Variants in METTL25 observed in about 807,000 individuals in gnomAD.
METTL25 encodes the protein methyltransferase like 25.
A neutral mutation model predicts 71.6 loss-of-function variants in METTL25; 64 were observed. The observed-to-expected ratio is 0.89, with a 90% CI of 0.73 to 1.10. METTL25 has a LOEUF of 1.10. METTL25 is among the 50% of genes least tolerant of loss of function. The pLI, the probability that METTL25 is intolerant of heterozygous loss-of-function variation, is 0.00. For synonymous variants in METTL25, 287 were observed against 250.3 expected (o/e 1.15, Z -1.38); for missense variants, 807 against 707.0 (o/e 1.14, Z -1.60).
At chr12:82,382,027 A>C (rs1373248152) in intron 1 of METTL25, among the ~76,000 whole-genome samples, 1 of 152,196 alleles carries the variant, frequency 6.6e-6, no homozygotes, top group East Asian at 1.9e-4. Context: ...ATGGCACAAG[A>C]AGCATTTCAG....
chr12:82,394,819 T>C (rs1885929229), intron 3 of METTL25, among the ~76,000 whole-genome samples: 1 of 151,984 alleles, frequency 6.6e-6, no homozygotes, highest in African/African-American at 2.4e-5. Flanking sequence ...TAAGACCTCA[T>C]TGTAACGATA....
At position 82,431,507 on chromosome 12, in the gene METTL25, TG is replaced by T. The variant is rs1293957039; in HGVS notation, c.1374+521del. Among the ~76,000 whole-genome samples, 27 of 151,740 alleles carry T rather than the reference TG, an allele frequency of 1.8e-4. No individual in the cohort carries two copies. In the East Asian group the frequency reaches 2.3e-3, roughly 13 times the overall value. On this transcript the variant is annotated intron_variant, in intron 6 of 11. Transcript: ENST00000248306. ...TCAGAAAATTAAAATACTGCAGCTA[TG>T]TAGAATTAATAAATTTAGAGACCTA...
chr12:82,379,868 A>G lies in METTL25; in HGVS notation c.260-6935A>G, dbSNP rs150278338. Among the ~76,000 whole-genome samples, 543 of 152,302 alleles carry G rather than the reference A, an allele frequency of 3.6e-3. 4 individuals are homozygous for G. The highest frequency in any genetic ancestry group is 6.1e-3 in the Non-Finnish European group (416 of 68,032). ...CCTTAGTCATGCCTTCATTCTGCTG[A>G]TGGAGATCTTGCACTCAGGTTCCAG... On this transcript the variant is annotated intron_variant, in intron 1 of 11. Transcript: ENST00000248306.
chr12:82,362,057 G>C (rs1461214712), intron 1 of METTL25, among the ~76,000 whole-genome samples: 1 of 152,202 alleles, frequency 6.6e-6, no homozygotes, highest in African/African-American at 2.4e-5. Flanking sequence ...CACACTAACA[G>C]ATGTTCGGCA....
chr12:82,471,525 G>C (rs930008382), intron 9 of METTL25, among the ~76,000 whole-genome samples: 12 of 152,200 alleles, frequency 7.9e-5, no homozygotes, highest in African/African-American at 2.9e-4. Context: ...AGAATATATA[G>C]AGACTTAGGG....
At chr12:82,390,488 T>C (rs184071384) in intron 3 of METTL25, among the ~76,000 whole-genome samples, 1 of 152,204 alleles carries the variant, frequency 6.6e-6, no homozygotes, top group East Asian at 1.9e-4. Flanking sequence ...CCTATAAAAA[T>C]AGTAAGTTAT....
intron 5 of METTL25, among the ~76,000 whole-genome samples, chr12:82,424,542 CTATATATA>C (rs34300467): frequency 0.017 from 2,495 of 148,732 alleles, 60 homozygotes; most frequent in African/African-American, 0.059. Flanking sequence ...TAATATAAAA[CTATATATA>C]TATATATATG....
intron 8 of METTL25, among the ~76,000 whole-genome samples, chr12:82,452,306 TGGCC>T (rs1370938725): frequency 6.6e-6 from 1 of 152,202 alleles, no homozygotes; most frequent in African/African-American, 2.4e-5. Flanking sequence ...AAAGATTCTT[TGGCC>T]TACCTCTTTT....
At chr12:82,431,907 C>T (rs767214828) in intron 6 of METTL25, among the ~76,000 whole-genome samples, 5 of 151,548 alleles carry the variant, frequency 3.3e-5, no homozygotes, top group Non-Finnish European at 5.9e-5. Flanking sequence ...TGCTGAATAT[C>T]TCATGCAATT....
chr12:82,397,979 C>A (rs1173633180), intron 3 of METTL25, among the ~76,000 whole-genome samples: 2 of 151,860 alleles, frequency 1.3e-5, no homozygotes, highest in Admixed American at 1.3e-4. Flanking sequence ...TTTTTTAAAT[C>A]ATAATATCTA....
intron 3 of METTL25, among the ~76,000 whole-genome samples, chr12:82,396,972 A>G (rs1352039188): frequency 6.6e-6 from 1 of 151,924 alleles, no homozygotes; most frequent in East Asian, 1.9e-4. Flanking sequence ...TGTAGTCCAG[A>G]TATGCTATTT....
intron 5 of METTL25, among the ~76,000 whole-genome samples, chr12:82,406,460 A>G (rs1045999158): frequency 1.8e-4 from 28 of 152,214 alleles, no homozygotes; most frequent in Middle Eastern, 3.4e-3. Flanking sequence ...TTTCCACATA[A>G]TATATTTTTT....
At chr12:82,376,949 A>G (rs999228663) in intron 1 of METTL25, among the ~76,000 whole-genome samples, 4 of 152,134 alleles carry the variant, frequency 2.6e-5, no homozygotes, top group Non-Finnish European at 4.4e-5. Flanking sequence ...CCCTGTCTTT[A>G]CTAAAACTAC....
Position 82,358,544 on chromosome 12 carries a change from A to G in METTL25, c.-22A>G, listed in dbSNP as rs369708308. The G allele has an allele frequency of 3.7e-6, 6 of 1,605,094 alleles. No homozygotes were observed. The highest frequency in any genetic ancestry group is 1.7e-5 in the Admixed American group (1 of 59,936). On this transcript the variant is annotated 5_prime_UTR_variant, in exon 1 of 12. Coordinates refer to ENST00000248306, the MANE Select transcript of METTL25 (RefSeq NM_032230.3). ...CCTCACGGCCATGTTTGCGCCACCT[A>G]CAGCCTCGGAGGGTGAGCGTCATGG...
chr12:82,458,346 C>G (rs1214096598), intron 9 of METTL25, among the ~76,000 whole-genome samples: 1 of 152,042 alleles, frequency 6.6e-6, no homozygotes, highest in African/African-American at 2.4e-5. Flanking sequence ...CTAAAAACAA[C>G]AGAAAAATCC....
At chr12:82,417,978 A>G (rs184761679) in intron 5 of METTL25, among the ~76,000 whole-genome samples, 63 of 152,288 alleles carry the variant, frequency 4.1e-4, no homozygotes, top group Non-Finnish European at 1.0e-4. Context: ...CTTTCAAGAA[A>G]GAACAGAGAT....
At chr12:82,416,660 G>A (rs999697259) in intron 5 of METTL25, among the ~76,000 whole-genome samples, 1 of 151,658 alleles carries the variant, frequency 6.6e-6, no homozygotes, top group Non-Finnish European at 1.5e-5. Flanking sequence ...ATAAAGACAG[G>A]GTTTCACTAT....
rs538358601 is a variant in METTL25, at chr12:82,477,311, A to G, written c.1678A>G (p.Thr560Ala). 2.0e-5 allele frequency: 31 copies of G among 1,576,918 alleles called. 1 individual carries two copies. The highest frequency in any genetic ancestry group is 1.7e-4 in the South Asian group (14 of 84,120). Residue 560 changes from threonine to alanine, a missense_variant, in exon 11 of 12, where the codon ACT (threonine) becomes GCT (alanine). Transcript: ENST00000248306. ...AGTTGTACTGGCTCCCTGTATAGAG[A>G]CTTTGATTCTTCTGGATCGACTTTG... ...LKVVLAPCIE[T>A]LILLDRLCYL...
chr12:82,442,902 A>G lies in METTL25; in HGVS notation c.1478+4111A>G, dbSNP rs146770741. Among the ~76,000 whole-genome samples, 11 of 152,214 alleles carry G rather than the reference A, an allele frequency of 7.2e-5. No homozygotes were observed. The East Asian group carries it at 2.1e-3, about 29-fold the overall frequency. ...CTAGAACTGAACAAGAAAATGACTAAAATCAAGAAATTTATGGATAGTCTT... is the reference window on the plus strand; with the variant it reads ...CTAGAACTGAACAAGAAAATGACTAGAATCAAGAAATTTATGGATAGTCTT... On this transcript the variant is annotated intron_variant, in intron 8 of 11. Coordinates refer to ENST00000248306, the MANE Select transcript of METTL25 (RefSeq NM_032230.3).
Sources: allele counts gnomAD v4.1 joint callset (sites outside exome capture counted in the v4.1 genomes callset), GRCh38; gene constraint gnomAD v4.1.1; transcripts MANE v1.5; gene names NCBI Gene and HGNC (gene_info 2026-07-23, HGNC 2026-07-21).